The following WDR88 variants were observed in gnomAD, a reference collection of about 807,000 sequenced individuals.
WDR88 encodes WD repeat-containing protein 88.
Under a neutral mutation model 46.8 loss-of-function variants are expected in WDR88, and 40 were observed. The observed-to-expected ratio is 0.86, with a 90% CI of 0.66 to 1.11. WDR88 has a LOEUF of 1.11. Among genes scored for constraint, WDR88 ranks in the 50% most tolerant of loss-of-function variants. WDR88 has a pLI of 0.00. For synonymous variants in WDR88, 235 were observed against 240.7 expected, an observed-to-expected ratio of 0.98 and a Z score of 0.22; for missense variants, 562 against 602.4, an observed-to-expected ratio of 0.93 and a Z score of 0.70.
intron 7 of WDR88, among the ~76,000 whole-genome samples, chr19:33,158,604 C>T (rs966246724): frequency 2.6e-5 from 4 of 152,208 alleles, no homozygotes; most frequent in African/African-American, 9.7e-5. Flanking sequence ...ATCTAAGTCA[C>T]CTCCCAGCTG....
At position 33,151,307 on chromosome 19, in the gene WDR88, C is replaced by T. The variant is rs1568364873; in HGVS notation, c.806C>T (p.Thr269Ile). 1.2e-6 allele frequency: 2 copies of T among 1,612,506 alleles called. No homozygotes were observed. The highest frequency in any genetic ancestry group is 2.2e-5 in the East Asian group (1 of 44,856). The change falls in exon 6 of 11, where the codon ACT (threonine) becomes ATT (isoleucine). Residue 269 changes from threonine (T) to isoleucine (I), a missense_variant. Transcript: ENST00000355868. ...VTSQATLLTI[T>I]KAHSNAISNC... ...TCCCAGGCCACGCTGCTCACCATCA[C>T]TAAGTGAGTTGGACCCCAGGAGGCC... is the stretch of plus-strand genomic sequence containing the variant.
intron 2 of WDR88, among the ~76,000 whole-genome samples, chr19:33,142,456 C>T (rs1973416360): frequency 6.6e-6 from 1 of 151,756 alleles, no homozygotes; most frequent in Non-Finnish European, 1.5e-5. Context: ...CTTCCTGGGA[C>T]ATGGAGAAGG....
intron 6 of WDR88, 98 bp downstream of exon 6, chr19:33,151,408 T>C (rs1973632634): frequency 6.9e-7 from 1 of 1,453,308 alleles, no homozygotes. Context: ...TGTGGACACG[T>C]CTGTAGCTTG....
In WDR88 at chr19:33,138,038, A is replaced by AT. The variant is rs745407325; in HGVS notation, c.387+266dup. On this transcript the variant is annotated intron_variant, in intron 2 of 10. Coordinates refer to ENST00000355868, the MANE Select transcript of WDR88 (RefSeq NM_173479.4). ...GACCTCTGGACTGAGAGTGCCACAC[A>AT]TTTTTTTTTTTTTTTGAGACGGAGT... Among the ~76,000 whole-genome samples, 648 of 139,826 alleles carry AT rather than the reference A, an allele frequency of 4.6e-3. 1 individual carries two copies. Among genetic ancestry groups the AT allele is most frequent in the Middle Eastern group, 0.016 (4 of 256 alleles). The allele number at this position is 139,826 out of a possible 152,430, so 91.7% of individuals were successfully genotyped here.
intron 1 of WDR88, among the ~76,000 whole-genome samples, chr19:33,133,198 T>TAAATAAATAAATATATAG (rs1555723214): frequency 3.8e-5 from 3 of 79,816 alleles, no homozygotes; most frequent in African/African-American, 9.8e-5. Context: ...TAAATAAATA[T>TAAATAAATAAATATATAG]AGAGAGAGAG....
chr19:33,164,330 T>C, intron 9 of WDR88, 65 bp downstream of exon 9: 3 of 1,489,994 alleles, frequency 2.0e-6, no homozygotes, highest in Non-Finnish European at 2.8e-6. Context: ...GGAAGAGTTA[T>C]TGCCAAGTAT....
chr19:33,157,687 G>GTATATATA (rs1173664875), intron 7 of WDR88, among the ~76,000 whole-genome samples: 1 of 3,380 alleles, frequency 3.0e-4, no homozygotes, highest in Non-Finnish European at 6.5e-4. Context: ...GTGTATGTAT[G>GTATATATA]TATATATATA....
chr19:33,137,946 C>T (rs1973309218), intron 2 of WDR88, among the ~76,000 whole-genome samples, 159 bp downstream of exon 2: 1 of 152,122 alleles, frequency 6.6e-6, no homozygotes, highest in African/African-American at 2.4e-5. Context: ...GGTGAGAGCC[C>T]AGCCTAGACG....
chr19:33,174,457 G>C, intron 10 of WDR88: 1 of 985,432 alleles, frequency 1.0e-6, no homozygotes, highest in South Asian at 4.7e-5. Flanking sequence ...TCTGCCCATG[G>C]CCTAGGAGAC....
intron 1 of WDR88, among the ~76,000 whole-genome samples, chr19:33,137,200 C>T (rs1973286026): frequency 6.6e-6 from 1 of 151,658 alleles, no homozygotes; most frequent in Admixed American, 6.6e-5. Context: ...AGTCCTCCTG[C>T]CCCAGCCTCC....
At chr19:33,149,641 C>G (rs932048180) in intron 5 of WDR88, among the ~76,000 whole-genome samples, 1 of 151,694 alleles carries the variant, frequency 6.6e-6, no homozygotes, top group Non-Finnish European at 1.5e-5. Context: ...AGCCCCCTCA[C>G]CCGGCCTACC....
intron 1 of WDR88, among the ~76,000 whole-genome samples, chr19:33,136,628 T>C (rs1973272610): frequency 6.6e-6 from 1 of 152,016 alleles, no homozygotes; most frequent in East Asian, 1.9e-4. Flanking sequence ...AGTGACATGA[T>C]CATAGCTCAT....
intron 2 of WDR88, among the ~76,000 whole-genome samples, chr19:33,142,585 C>T (rs1973419377): frequency 6.6e-6 from 1 of 151,858 alleles, no homozygotes; most frequent in African/African-American, 2.4e-5. Flanking sequence ...CCGAGGGCCT[C>T]TCCAAGATTA....
chr19:33,162,137 T>A (rs1035176768), intron 8 of WDR88, among the ~76,000 whole-genome samples: 21 of 152,346 alleles, frequency 1.4e-4, no homozygotes, highest in African/African-American at 4.3e-4. Flanking sequence ...GATGCTGGCA[T>A]AAAGCCCAGA....
At chr19:33,156,236 T>A (rs1379203043) in intron 6 of WDR88, 119 bp from the exon 7 acceptor site, 3 of 996,698 alleles carry the variant, frequency 3.0e-6, no homozygotes, top group Non-Finnish European at 3.0e-6. Context: ...TGGGGCGAAG[T>A]GCTAGCATGT....
chr19:33,149,325 A>C (rs181043566), intron 5 of WDR88, among the ~76,000 whole-genome samples: 150 of 150,030 alleles, frequency 1.0e-3, no homozygotes, highest in African/African-American at 2.8e-3. Flanking sequence ...CCATCTCAAA[A>C]AAACAAACAA....
chr19:33,156,529 C>T lies in WDR88; in HGVS notation c.984C>T (p.His328=), dbSNP rs539084042. Residue 328 remains histidine, a synonymous_variant, in exon 7 of 11, where the codon CAC becomes CAT. Transcript: ENST00000355868. The part of the protein sequence containing the change: ...QGHEGSVSSC[H]FARDSSFLIS... ...ATGAAGGTTCTGTCAGTTCCTGTCACTTTGCCAGAGACAGTGAGTAATTAA... is the reference window on the plus strand; with the variant it reads ...ATGAAGGTTCTGTCAGTTCCTGTCATTTTGCCAGAGACAGTGAGTAATTAA... 32 of 1,613,194 alleles carry T rather than the reference C, an allele frequency of 2.0e-5. 2 individuals carry two copies. The South Asian group carries it at 3.5e-4, about 18-fold the overall frequency.
At chr19:33,146,564 G>A (rs1162087317) in intron 3 of WDR88, among the ~76,000 whole-genome samples, 1 of 150,678 alleles carries the variant, frequency 6.6e-6, no homozygotes, top group African/African-American at 2.4e-5. Flanking sequence ...TCCTGCCCAC[G>A]CTGGAGCGCA....
chr19:33,148,284 C>T (rs922456039), intron 4 of WDR88, among the ~76,000 whole-genome samples: 20 of 152,086 alleles, frequency 1.3e-4, no homozygotes, highest in Non-Finnish European at 2.4e-4. Flanking sequence ...TCACCCCTGC[C>T]GTCCCTCCCT....
Sources: allele counts gnomAD v4.1 joint callset (sites outside exome capture counted in the v4.1 genomes callset), GRCh38; gene constraint gnomAD v4.1.1; transcripts MANE v1.5; gene names NCBI Gene and HGNC (gene_info 2026-07-23, HGNC 2026-07-21).